The following RAB3D variants were observed in gnomAD, a reference collection of about 807,000 sequenced individuals.
RAB3D encodes the protein ras-related protein Rab-3D.
A neutral mutation model predicts 19.3 loss-of-function variants in RAB3D; 17 were observed. The observed-to-expected ratio is 0.88, with a 90% confidence interval of 0.60 to 1.32. The LOEUF is 1.32. RAB3D is among the 40% of genes most tolerant of loss of function. RAB3D has a pLI of 0.00. For missense variants in RAB3D, 223 were observed against 299.1 expected, an observed-to-expected ratio of 0.75 and a Z score of 1.88; for synonymous variants, 103 against 119.9, an observed-to-expected ratio of 0.86 and a Z score of 0.92.
At position 11,323,696 on chromosome 19, in the gene RAB3D, T is replaced by C. The variant is rs2080794644; in HGVS notation, c.*1702A>G. ...AAATAAATCTAAACTTGAACCAGGC[T>C]TTCCCCCTCACACATACCCCAGGGA... On this transcript the variant is annotated 3_prime_UTR_variant, in exon 5 of 5. Transcript: ENST00000222120. 2 of 152,222 alleles carry C rather than the reference T, an allele frequency of 1.3e-5. No individual in the cohort carries two copies. The highest frequency in any genetic ancestry group is 2.1e-4 in the South Asian group (1 of 4,834). 9.4% of individuals were successfully genotyped at this position (152,222 alleles called of 1,614,324 possible).
Position 11,323,603 on chromosome 19 carries a change from GAA to G in RAB3D, c.*1793_*1794del, listed in dbSNP as rs1237142151. On this transcript the variant is annotated 3_prime_UTR_variant, in exon 5 of 5. Coordinates refer to ENST00000222120, the MANE Select transcript of RAB3D (RefSeq NM_004283.4). ...GAGACTCTGTATCAAAAAAACAAAT[GAA>G]AAAAAGATACCCCACTCCAAAGTTC... The G allele has an allele frequency of 1.3e-5, 2 of 152,120 alleles. No individual in the cohort carries two copies. Among genetic ancestry groups the G allele is most frequent in the Admixed American group, 1.3e-4 (2 of 15,278 alleles). 9.4% of individuals were successfully genotyped at this position (152,120 alleles called of 1,614,324 possible).
At chr19:11,333,300 T>C (rs2080841512) in intron 4 of RAB3D, among the ~76,000 whole-genome samples, 1 of 152,116 alleles carries the variant, frequency 6.6e-6, no homozygotes, top group Non-Finnish European at 1.5e-5. Flanking sequence ...CAGGATGTTC[T>C]TGATCTCCTG....
chr19:11,339,534 G>T lies in RAB3D; in HGVS notation c.-127C>A, dbSNP rs2147972208. 6.6e-6 allele frequency: 1 copy of T among 152,494 alleles called. No individual in the cohort carries two copies. Among genetic ancestry groups the T allele is most frequent in the East Asian group, 1.9e-4 (1 of 5,178 alleles). 9.4% of individuals were successfully genotyped at this position (152,494 alleles called of 1,614,324 possible). ...CCAGGGGTGACCTCGCGTAGGGGGC[G>T]CCGCCTGCAGGGGTTCCGCCTGTGA... On this transcript the variant is annotated 5_prime_UTR_variant, in exon 1 of 5. Transcript: ENST00000222120.
At chr19:11,326,412 C>T (rs539295513) in intron 4 of RAB3D, among the ~76,000 whole-genome samples, 2 of 152,222 alleles carry the variant, frequency 1.3e-5, no homozygotes, top group East Asian at 3.9e-4. Flanking sequence ...CCTGCGGCTG[C>T]AGCCATGGTC....
chr19:11,332,405 T>C (rs2080838485), intron 4 of RAB3D, among the ~76,000 whole-genome samples: 1 of 151,954 alleles, frequency 6.6e-6, no homozygotes, highest in Non-Finnish European at 1.5e-5. Flanking sequence ...CATACAGTGG[T>C]GCAATCTTGG....
chr19:11,325,608 A>T (rs758217671), intron 4 of RAB3D, 23 bp from the exon 5 acceptor site: 105 of 1,502,932 alleles, frequency 7.0e-5, no homozygotes, highest in African/African-American at 8.7e-5. Context: ...TAAGGTGGGG[A>T]CACTCGTAAG....
In RAB3D at chr19:11,322,218, G is replaced by A. The variant is rs1044962915; in HGVS notation, c.*3180C>T. 9 of 152,112 alleles carry A rather than the reference G, an allele frequency of 5.9e-5. No homozygotes were observed. The highest frequency in any genetic ancestry group is 1.3e-4 in the Non-Finnish European group (9 of 68,020). 9.4% of individuals were successfully genotyped at this position (152,112 alleles called of 1,614,324 possible). A position where few individuals can be genotyped will look rare whatever the true frequency, so the allele number is the denominator to read the frequency against. Reference sequence around the variant, plus strand: ...TAGTGTATTTCAGAATCATCAGGGAGGAGCCGGTAGCAGAATTATCCCGTT... The same window carrying A: ...TAGTGTATTTCAGAATCATCAGGGAAGAGCCGGTAGCAGAATTATCCCGTT... On this transcript the variant is annotated 3_prime_UTR_variant, in exon 5 of 5. Coordinates refer to ENST00000222120, the MANE Select transcript of RAB3D (RefSeq NM_004283.4).
At chr19:11,337,031 T>C (rs981267294) in intron 2 of RAB3D, 141 bp downstream of exon 2, 3 of 673,216 alleles carry the variant, frequency 4.5e-6, no homozygotes, top group Non-Finnish European at 7.7e-6. Flanking sequence ...GAGATGGAGG[T>C]TGCAGTGAGC....
intron 4 of RAB3D, among the ~76,000 whole-genome samples, chr19:11,330,859 T>C (rs1415467263): frequency 6.6e-6 from 1 of 151,864 alleles, no homozygotes; most frequent in Non-Finnish European, 1.5e-5. Context: ...AAAAAAATTT[T>C]TTTTTAATTA....
rs1339540496 is a variant in RAB3D at position 11,325,575 on chromosome 19, G to T, written c.483C>A (p.Phe161Leu). 3.7e-6 allele frequency: 6 copies of T among 1,609,820 alleles called. No homozygotes were observed. Among genetic ancestry groups the T allele is most frequent in the South Asian group, 1.1e-5 (1 of 91,044 alleles). Residue 161 changes from phenylalanine to leucine, a missense_variant, in exon 5 of 5, where the codon TTC becomes TTA. By Grantham distance (22) the Phe-to-Leu change is conservative. Transcript: ENST00000222120. ...TGTTCTCCTTGGCACTGGCTTCAAA[G>T]AACTCGAAACCTGGATGAATGTTAA... ...RRLADDLGFE[F>L]FEASAKENIN...
At chr19:11,327,201 G>A (rs538609045) in intron 4 of RAB3D, among the ~76,000 whole-genome samples, 17 of 152,210 alleles carry the variant, frequency 1.1e-4, no homozygotes, top group South Asian at 4.1e-4. Flanking sequence ...CCCAGTGCCC[G>A]ACACAGAGAG....
chr19:11,327,760 C>G (rs1349810687), intron 4 of RAB3D, among the ~76,000 whole-genome samples: 2 of 152,016 alleles, frequency 1.3e-5, no homozygotes, highest in African/African-American at 4.8e-5. Context: ...ACTCAGGAGG[C>G]CAAGGCAGGA....
intron 2 of RAB3D, among the ~76,000 whole-genome samples, 163 bp downstream of exon 2, chr19:11,337,009 G>A (rs1966901361): frequency 1.3e-5 from 2 of 149,252 alleles, no homozygotes; most frequent in Non-Finnish European, 3.0e-5. Flanking sequence ...CAGGAGAATC[G>A]CTTGAACCCA....
chr19:11,335,408 C>T, intron 4 of RAB3D, 39 bp downstream of exon 4: 1 of 1,611,132 alleles, frequency 6.2e-7, no homozygotes, highest in African/African-American at 1.3e-5. Context: ...GGGTTTGGTT[C>T]TGGGAGACCA....
intron 4 of RAB3D, 100 bp downstream of exon 4, chr19:11,335,347 C>T (rs1182855345): frequency 1.2e-5 from 18 of 1,520,842 alleles, no homozygotes; most frequent in Non-Finnish European, 1.4e-5. Flanking sequence ...CTGGGCAGAT[C>T]CTCAAAGGAT....
Position 11,322,114 on chromosome 19 carries a change from T to C in RAB3D, c.*3284A>G, listed in dbSNP as rs1383012107. ...TTTTTCTTGTTGAGAAGAGTACATC[T>C]TTCCAAACTGGACATCAAGGAATTG... is the stretch of plus-strand genomic sequence containing the variant. On this transcript the variant is annotated 3_prime_UTR_variant, in exon 5 of 5. Coordinates refer to ENST00000222120, the MANE Select transcript of RAB3D (RefSeq NM_004283.4). The C allele has an allele frequency of 6.6e-6, 1 of 152,132 alleles. No homozygotes were observed. The highest frequency in any genetic ancestry group is 2.4e-5 in the African/African-American group (1 of 41,432). 9.4% of individuals were successfully genotyped at this position (152,132 alleles called of 1,614,324 possible).
intron 4 of RAB3D, chr19:11,326,864 C>G: frequency 1.6e-6 from 1 of 628,108 alleles, no homozygotes; most frequent in South Asian, 1.8e-5. Context: ...CCCGCCTAGG[C>G]CTCCCAAAGT....
Position 11,335,454 on chromosome 19 carries a change from G to A in RAB3D, c.465C>T (p.Asp155=), listed in dbSNP as rs746802718. The A allele has an allele frequency of 9.4e-5, 151 of 1,614,002 alleles. 1 individual carries two copies. The highest frequency in any genetic ancestry group is 2.0e-4 in the East Asian group (9 of 44,890). Residue 155 remains aspartate, a synonymous_variant, in exon 4 of 5, where the codon GAC becomes GAT. Transcript: ENST00000222120. ...VPAEDGRRLA[D]DLGFEFFEAS... ...CCCAGGCTGGGCACTAACCAAGGTC[G>A]TCGGCGAGCCTCCGGCCATCCTCAG...
chr19:11,329,105 G>A (rs2080826884), intron 4 of RAB3D, among the ~76,000 whole-genome samples: 1 of 151,658 alleles, frequency 6.6e-6, no homozygotes, highest in South Asian at 2.1e-4. Context: ...TTTTTATAGG[G>A]GTGGGGCTTC....
Sources: allele counts gnomAD v4.1 joint callset (sites outside exome capture counted in the v4.1 genomes callset), GRCh38; gene constraint gnomAD v4.1.1; transcripts MANE v1.5; gene names NCBI Gene and HGNC (gene_info 2026-07-23, HGNC 2026-07-21).